NKAIN2: variants seen among roughly 807,000 people sequenced by gnomAD.
NKAIN2 encodes sodium/potassium-transporting ATPase subunit beta-1-interacting protein 2.
In NKAIN2, 14 loss-of-function variants were observed where a neutral mutation model predicts 32.6. The observed-to-expected ratio is 0.43, with a 90% CI of 0.28 to 0.67. The LOEUF (loss-of-function observed/expected upper bound fraction) is 0.67. Among genes scored for constraint, NKAIN2 ranks in the 30% least tolerant of loss-of-function variants. NKAIN2 has a pLI of 0.17. For synonymous variants in NKAIN2, 80 were observed against 87.2 expected, an observed-to-expected ratio of 0.92 and a Z score of 0.46; for missense variants, 198 against 258.3, an observed-to-expected ratio of 0.77 and a Z score of 1.60.
At chr6:124,648,540 G>T (rs190021952) in intron 3 of NKAIN2, among the ~76,000 whole-genome samples, 1 of 152,100 alleles carries the variant, frequency 6.6e-6, no homozygotes, top group Non-Finnish European at 1.5e-5. Context: ...GGAAACTGGG[G>T]GTTCAACATG....
intron 3 of NKAIN2, among the ~76,000 whole-genome samples, chr6:124,410,795 T>A (rs1316805230): frequency 3.9e-5 from 6 of 152,212 alleles, no homozygotes; most frequent in Non-Finnish European, 8.8e-5. Context: ...CAGTGGGGTG[T>A]TAAAGTCTCC....
chr6:124,412,784 T>TAGGC (rs1475271763), intron 3 of NKAIN2, among the ~76,000 whole-genome samples: 1 of 152,208 alleles, frequency 6.6e-6, no homozygotes, highest in Non-Finnish European at 1.5e-5. Flanking sequence ...GGAGCCTACC[T>TAGGC]AGGCAGGCAG....
intron 3 of NKAIN2, among the ~76,000 whole-genome samples, chr6:124,574,027 T>C (rs1781235476): frequency 1.3e-5 from 2 of 152,134 alleles, no homozygotes; most frequent in African/African-American, 4.8e-5. Context: ...TTGGAAAAGC[T>C]CTGTGCATTG....
chr6:124,707,519 T>A (rs1775155371), intron 4 of NKAIN2, among the ~76,000 whole-genome samples: 1 of 138,358 alleles, frequency 7.2e-6, no homozygotes, highest in South Asian at 2.3e-4. Flanking sequence ...CCTGACTTTT[T>A]AATGATTGCC....
At chr6:124,096,891 T>C (rs976442569) in intron 1 of NKAIN2, among the ~76,000 whole-genome samples, 3 of 151,564 alleles carry the variant, frequency 2.0e-5, no homozygotes, top group Admixed American at 1.3e-4. Flanking sequence ...ATCTGTTATG[T>C]GTTTTCTTCA....
intron 3 of NKAIN2, among the ~76,000 whole-genome samples, chr6:124,429,228 A>G (rs1304210059): frequency 2.7e-5 from 4 of 146,836 alleles, no homozygotes; most frequent in African/African-American, 1.0e-4. Flanking sequence ...TTCTATTTTT[A>G]GTAGAGACGA....
At chr6:124,044,470 A>G (rs1782028209) in intron 1 of NKAIN2, among the ~76,000 whole-genome samples, 1 of 152,010 alleles carries the variant, frequency 6.6e-6, no homozygotes, top group South Asian at 2.1e-4. Flanking sequence ...CCCCTCAGTA[A>G]CTACTACTAC....
At chr6:124,345,520 T>C (rs573624750) in intron 2 of NKAIN2, among the ~76,000 whole-genome samples, 1 of 152,174 alleles carries the variant, frequency 6.6e-6, no homozygotes, top group South Asian at 2.1e-4. Context: ...GATCCTGTTA[T>C]TGGTCTATTC....
intron 1 of NKAIN2, among the ~76,000 whole-genome samples, chr6:124,061,916 A>C (rs1782933478): frequency 6.6e-6 from 1 of 152,168 alleles, no homozygotes; most frequent in Non-Finnish European, 1.5e-5. Context: ...AAGATGAGCA[A>C]AGTAGAGCTA....
chr6:124,113,898 G>A (rs1420862730), intron 1 of NKAIN2, among the ~76,000 whole-genome samples: 4 of 152,178 alleles, frequency 2.6e-5, no homozygotes, highest in Non-Finnish European at 5.9e-5. Flanking sequence ...CGATATGCTT[G>A]TATGAAGAAG....
intron 1 of NKAIN2, among the ~76,000 whole-genome samples, chr6:123,985,489 G>A (rs565943180): frequency 5.9e-5 from 9 of 152,276 alleles, no homozygotes; most frequent in African/African-American, 1.9e-4. Context: ...TACATGTACT[G>A]TCCTGGAAAG....
At chr6:124,350,475 T>A (rs1205418304) in intron 2 of NKAIN2, among the ~76,000 whole-genome samples, 1 of 152,078 alleles carries the variant, frequency 6.6e-6, no homozygotes, top group Non-Finnish European at 1.5e-5. Flanking sequence ...ATAAGAAAGA[T>A]AAATGAGAGA....
chr6:124,220,413 T>C (rs1259085522), intron 1 of NKAIN2, among the ~76,000 whole-genome samples: 2 of 152,126 alleles, frequency 1.3e-5, no homozygotes, highest in Non-Finnish European at 2.9e-5. Flanking sequence ...AACAGACTAA[T>C]ACACTACTAT....
At chr6:124,755,309 C>T (rs1777912994) in intron 4 of NKAIN2, among the ~76,000 whole-genome samples, 1 of 152,134 alleles carries the variant, frequency 6.6e-6, no homozygotes, top group South Asian at 2.1e-4. Flanking sequence ...CTTCCACCAG[C>T]TTTGTTCTAG....
intron 3 of NKAIN2, among the ~76,000 whole-genome samples, chr6:124,642,331 C>G (rs1784023949): frequency 6.6e-6 from 1 of 152,116 alleles, no homozygotes; most frequent in Non-Finnish European, 1.5e-5. Context: ...TCATATGCTA[C>G]CAGGATAACT....
chr6:124,756,404 C>A (rs527472832), intron 4 of NKAIN2, among the ~76,000 whole-genome samples: 2 of 152,204 alleles, frequency 1.3e-5, no homozygotes, highest in Admixed American at 1.3e-4. Flanking sequence ...AGATTAAGAT[C>A]TTTCTATGAC....
chr6:124,760,338 C>G (rs1439397375), intron 4 of NKAIN2, among the ~76,000 whole-genome samples: 1 of 140,972 alleles, frequency 7.1e-6, no homozygotes, highest in African/African-American at 2.7e-5. Context: ...ATAATCTGTA[C>G]AGCAATGCCC....
intron 3 of NKAIN2, among the ~76,000 whole-genome samples, chr6:124,420,988 G>A (rs1774720169): frequency 1.3e-5 from 2 of 148,184 alleles, no homozygotes; most frequent in Non-Finnish European, 3.0e-5. Context: ...TGCACTTCCT[G>A]TACTCATTTC....
chr6:124,301,704 C>A (rs1796298928), intron 2 of NKAIN2, among the ~76,000 whole-genome samples: 2 of 152,206 alleles, frequency 1.3e-5, no homozygotes, highest in Non-Finnish European at 2.9e-5. Flanking sequence ...TCAGATTTGA[C>A]TGCCTCATTG....
Sources: gnomAD v4.1 joint callset for allele counts (sites outside exome capture counted in the v4.1 genomes callset) on GRCh38, gnomAD v4.1.1 for gene constraint, MANE v1.5 for transcripts, NCBI Gene and HGNC (gene_info 2026-07-23, HGNC 2026-07-21) for gene names.